Variants in DENND4C observed in about 807,000 individuals in gnomAD.
DENND4C encodes DENN domain containing 4C.
Under a neutral mutation model 203.0 loss-of-function variants are expected in DENND4C, and 108 were observed. The observed-to-expected ratio is 0.53, with a 90% CI of 0.46 to 0.62. DENND4C has a LOEUF of 0.62. DENND4C is among the 20% of genes least tolerant of loss of function. DENND4C has a pLI of 0.00. For missense variants in DENND4C, 2,481 were observed against 2,301.2 expected (o/e 1.08, Z -1.60); for synonymous variants, 871 against 792.4 (o/e 1.10, Z -1.67).
intron 9 of DENND4C, among the ~76,000 whole-genome samples, chr9:19,305,141 T>C (rs751455573): frequency 7.9e-5 from 12 of 152,198 alleles, no homozygotes; most frequent in Non-Finnish European, 1.5e-4. Flanking sequence ...ATTGTGCTTA[T>C]GATCATCGTC....
intron 22 of DENND4C, among the ~76,000 whole-genome samples, chr9:19,343,803 C>T (rs994866894): frequency 7.9e-5 from 12 of 152,156 alleles, no homozygotes; most frequent in African/African-American, 2.7e-4. Context: ...GTTTCCTTCC[C>T]TTTTAACTTA....
At chr9:19,250,330 G>A (rs1826243569) in intron 1 of DENND4C, among the ~76,000 whole-genome samples, 1 of 152,158 alleles carries the variant, frequency 6.6e-6, no homozygotes, top group African/African-American at 2.4e-5. Flanking sequence ...TGTAATCCCA[G>A]CTACATGGGA....
chr9:19,250,102 A>C (rs893092371), intron 1 of DENND4C, among the ~76,000 whole-genome samples: 2 of 152,168 alleles, frequency 1.3e-5, no homozygotes, highest in African/African-American at 4.8e-5. Context: ...GTTTGAGATC[A>C]GCCTGGGAAA....
chr9:19,295,060 ATATT>A (rs1837148770), intron 5 of DENND4C, among the ~76,000 whole-genome samples: 1 of 152,136 alleles, frequency 6.6e-6, no homozygotes. Flanking sequence ...AATGTTATAT[ATATT>A]TCACCCCAAT....
At position 19,250,974 on chromosome 9, in the gene DENND4C, C is replaced by G. The variant is rs141063322; in HGVS notation, c.-18+20141C>G. 1.1e-4 allele frequency among the ~76,000 whole-genome samples: 17 copies of G among 152,348 alleles called. No individual in the cohort carries two copies. The East Asian group carries it at 3.3e-3, about 29-fold the overall frequency. On this transcript the variant is annotated intron_variant, in intron 1 of 32. Coordinates refer to ENST00000434457, the MANE Select transcript of DENND4C (RefSeq NM_001330640.2). ...GCAAACTGTGGGAGGATCTACTATT[C>G]TGGGGTATGGAGGACGGTGACCACC...
At chr9:19,330,333 GTTTT>G (rs398010417) in intron 16 of DENND4C, among the ~76,000 whole-genome samples, 3 of 97,118 alleles carry the variant, frequency 3.1e-5, no homozygotes, top group African/African-American at 1.2e-4. Flanking sequence ...TACCAAGTTG[GTTTT>G]TTTTTTTTTT....
chr9:19,231,509 T>G (rs1040187605), intron 1 of DENND4C, among the ~76,000 whole-genome samples: 6 of 151,962 alleles, frequency 3.9e-5, no homozygotes, highest in African/African-American at 1.5e-4. Flanking sequence ...TGTAAAGAGC[T>G]GTAACTTTTT....
intron 1 of DENND4C, among the ~76,000 whole-genome samples, chr9:19,232,076 T>G (rs1331014766): frequency 6.6e-6 from 1 of 152,220 alleles, no homozygotes; most frequent in East Asian, 1.9e-4. Flanking sequence ...CTTTGAACAT[T>G]AAAGGTATCC....
Position 19,372,283 on chromosome 9 carries a change from G to GTA in DENND4C, c.*111_*112dup. 1 of 1,327,508 alleles carries GTA rather than the reference G, an allele frequency of 7.5e-7. No individual in the cohort carries two copies. Among genetic ancestry groups the GTA allele is most frequent in the Non-Finnish European group, 1.0e-6 (1 of 965,752 alleles). 82.2% of individuals were successfully genotyped at this position (1,327,508 alleles called of 1,614,324 possible). ...AAGAACTGGTGAATACGGAATTGAA[G>GTA]TAACTCTTGGGGACAATATATAATG... is the stretch of plus-strand genomic sequence containing the variant. On this transcript the variant is annotated 3_prime_UTR_variant, in exon 33 of 33. Transcript: ENST00000434457.
At chr9:19,270,952 A>G (rs1831521451) in intron 1 of DENND4C, among the ~76,000 whole-genome samples, 1 of 152,188 alleles carries the variant, frequency 6.6e-6, no homozygotes, top group African/African-American at 2.4e-5. Context: ...TAATTGAATT[A>G]AAAATAAAAT....
intron 5 of DENND4C, 45 bp from the exon 6 acceptor site, chr9:19,295,963 T>G (rs775510175): frequency 1.3e-5 from 18 of 1,428,630 alleles, no homozygotes; most frequent in Non-Finnish European, 1.7e-5. Flanking sequence ...AGTTAATTTT[T>G]TCAAACAAAC....
At position 19,326,677 on chromosome 9, in the gene DENND4C, C is replaced by G. The variant is rs535316457; in HGVS notation, c.2120+483C>G. 1.2e-4 allele frequency among the ~76,000 whole-genome samples: 18 copies of G among 151,952 alleles called. No homozygotes were observed. In the East Asian group the frequency reaches 2.7e-3, roughly 23 times the overall value. ...AATTTAATAAACTTAGAAAATCAAA[C>G]CAAAATGGAAAACTAATACATCATT... On this transcript the variant is annotated intron_variant, in intron 15 of 32. Coordinates refer to ENST00000434457, the MANE Select transcript of DENND4C (RefSeq NM_001330640.2).
rs185192382 is a variant in DENND4C at position 19,234,962 on chromosome 9, T to G, written c.-18+4129T>G. Among the ~76,000 whole-genome samples, 1,520 of 152,048 alleles carry G rather than the reference T, an allele frequency of 1.0e-2. 13 individuals carry two copies. Among genetic ancestry groups the G allele is most frequent in the Non-Finnish European group, 0.013 (890 of 67,968 alleles). ...GAAAGTCAACTTTCTTTTTTTTTTT[T>G]TTCTTTCTTTTTTTATTGAGATGAG... On this transcript the variant is annotated intron_variant, in intron 1 of 32. Transcript: ENST00000434457.
intron 5 of DENND4C, 40 bp from the exon 6 acceptor site, chr9:19,295,964 TCAAA>T (rs768302641): frequency 1.4e-6 from 2 of 1,425,404 alleles, no homozygotes; most frequent in Non-Finnish European, 9.7e-7. Context: ...GTTAATTTTT[TCAAA>T]CAAACTCAAA....
chr9:19,368,967 T>C (rs942351865), intron 30 of DENND4C, among the ~76,000 whole-genome samples: 4 of 151,880 alleles, frequency 2.6e-5, no homozygotes, highest in Admixed American at 2.0e-4. Flanking sequence ...CTGGGCAACA[T>C]AGCAAGACCC....
At chr9:19,265,628 G>A (rs962235608) in intron 1 of DENND4C, among the ~76,000 whole-genome samples, 11 of 151,630 alleles carry the variant, frequency 7.3e-5, no homozygotes, top group Non-Finnish European at 1.5e-4. Flanking sequence ...GACAGGCCCC[G>A]GTGTGTGATG....
intron 1 of DENND4C, among the ~76,000 whole-genome samples, chr9:19,234,263 C>G (rs1187605343): frequency 6.6e-6 from 1 of 151,930 alleles, no homozygotes; most frequent in African/African-American, 2.4e-5. Context: ...CCGAGTCTCG[C>G]TCTGTTGCCC....
rs1825158404 is a variant in DENND4C, at chr9:19,246,006, C to T, written c.-18+15173C>T. ...CTCTCACTGGACATTTCTTGGATTC[C>T]ATCAAGACCTCCAGGCCAGTAGCTA... On this transcript the variant is annotated intron_variant, in intron 1 of 32. Coordinates refer to ENST00000434457, the MANE Select transcript of DENND4C (RefSeq NM_001330640.2). Among the ~76,000 whole-genome samples the T allele has an allele frequency of 2.0e-5, 3 of 151,900 alleles. No homozygotes were observed. In the South Asian group the frequency reaches 6.2e-4, roughly 32 times the overall value.
intron 17 of DENND4C, 67 bp from the exon 18 acceptor site, chr9:19,334,909 TA>T: frequency 7.2e-7 from 1 of 1,384,588 alleles, no homozygotes; most frequent in Non-Finnish European, 9.7e-7. Flanking sequence ...AAGAATTCAG[TA>T]AAATCTCTAC....
Sources: gnomAD v4.1 joint callset for allele counts (sites outside exome capture counted in the v4.1 genomes callset) on GRCh38, gnomAD v4.1.1 for gene constraint, MANE v1.5 for transcripts, NCBI Gene and HGNC (gene_info 2026-07-23, HGNC 2026-07-21) for gene names.